The following CFAP99 variants were observed in gnomAD, a reference collection of about 807,000 sequenced individuals.
CFAP99 encodes the protein cilia and flagella associated protein 99, also known as cilia- and flagella-associated protein 99.
Under a neutral mutation model 82.7 loss-of-function variants are expected in CFAP99, and 84 were observed. That is an observed-to-expected ratio of 1.02 (90% CI 0.85 to 1.22). The LOEUF (loss-of-function observed/expected upper bound fraction) is 1.22. Among genes scored for constraint, CFAP99 ranks in the 50% most tolerant of loss-of-function variants. CFAP99 has a pLI of 0.00. For missense variants in CFAP99, 1,059 were observed against 983.5 expected (o/e 1.08, Z -1.03); for synonymous variants, 456 against 429.5 (o/e 1.06, Z -0.76).
At chr4:2,452,428 A>G in intron 11 of CFAP99, 82 bp downstream of exon 11, 1 of 1,377,802 alleles carries the variant, frequency 7.3e-7, no homozygotes, top group Non-Finnish European at 9.9e-7. Context: ...CAGGGCTGGC[A>G]GTGGAGCTGA....
chr4:2,462,695 G>C lies in CFAP99; in HGVS notation c.1914G>C (p.Pro638=), dbSNP rs1452975518. 1.6e-6 allele frequency: 2 copies of C among 1,255,198 alleles called. No individual in the cohort carries two copies. The highest frequency in any genetic ancestry group is 2.0e-6 in the Non-Finnish European group (2 of 999,658). The allele number at this position is 1,255,198 out of a possible 1,614,324, so 77.8% of individuals were successfully genotyped here. ...CGCGGCGCGCAGGGACCGGCGTCCC[G>C]GGGCGGGGATGGCGGGGAGATCGGG... The change falls in exon 15 of 15, where the codon CCG becomes CCC. Residue 638 remains proline, a synonymous_variant. Coordinates refer to ENST00000635017, the Ensembl canonical transcript of CFAP99. This position sits in a 1 kb window ranked among gnomAD's most constrained non-coding sequence, Gnocchi z 4.1.
chr4:2,447,678 A>G (rs987928611), intron 6 of CFAP99, among the ~76,000 whole-genome samples: 2 of 116,170 alleles, frequency 1.7e-5, no homozygotes, highest in African/African-American at 6.8e-5. Flanking sequence ...GACGGATTGG[A>G]TGATTGGATG....
intron 4 of CFAP99, among the ~76,000 whole-genome samples, chr4:2,440,199 T>G (rs1453537244): frequency 1.4e-4 from 18 of 126,208 alleles, no homozygotes; most frequent in Non-Finnish European, 2.8e-4. Flanking sequence ...CAGGCTGGAG[T>G]GCAGTGGCAG....
intron 4 of CFAP99, among the ~76,000 whole-genome samples, chr4:2,440,749 C>T (rs1734018082): frequency 1.3e-5 from 2 of 151,748 alleles, no homozygotes; most frequent in Admixed American, 1.3e-4. Context: ...CCCGCCACCA[C>T]ACCTGGCTAA....
At chr4:2,442,151 G>T (rs1734057411) in intron 4 of CFAP99, among the ~76,000 whole-genome samples, 1 of 152,184 alleles carries the variant, frequency 6.6e-6, no homozygotes, top group Non-Finnish European at 1.5e-5. Flanking sequence ...GTGGGGATGG[G>T]GTTTGGAGAT....
intron 6 of CFAP99, 81 bp from the exon 7 acceptor site, chr4:2,449,585 CACCA>C: frequency 1.6e-6 from 2 of 1,241,328 alleles, no homozygotes; most frequent in Non-Finnish European, 2.3e-6. Flanking sequence ...CACCCACATC[CACCA>C]AGCTGTCAGC....
chr4:2,443,211 G>C (rs755705415), exon 5 of CFAP99: 1 of 1,535,674 alleles, frequency 6.5e-7, no homozygotes, highest in African/African-American at 1.4e-5. Context: ...GCCAGCCCAC[G>C]TGAAGGAGAA....
At chr4:2,436,987 C>G in exon 3 of CFAP99, 1 of 1,536,082 alleles carries the variant, frequency 6.5e-7, no homozygotes, top group Non-Finnish European at 8.7e-7. Context: ...ATGGCCGACT[C>G]TGCCTGCGGG....
intron 1 of CFAP99, among the ~76,000 whole-genome samples, chr4:2,421,100 G>A (rs149675941): frequency 2.2e-3 from 341 of 152,324 alleles, no homozygotes; most frequent in Non-Finnish European, 3.8e-3. Flanking sequence ...AAGCTGCCAC[G>A]TGGGGTTGTG....
chr4:2,422,755 G>A (rs117434774), intron 1 of CFAP99, among the ~76,000 whole-genome samples: 181 of 152,314 alleles, frequency 1.2e-3, no homozygotes, highest in East Asian at 9.1e-3. Flanking sequence ...ACAACGTGAC[G>A]TGGAGGCAGG....
chr4:2,427,593 T>TTA (rs1560377016), intron 2 of CFAP99: 1 of 152,406 alleles, frequency 6.6e-6, no homozygotes, highest in Non-Finnish European at 1.5e-5. Flanking sequence ...TCTGTGCCGC[T>TTA]GTGCTCTGGA....
chr4:2,440,168 A>C, intron 4 of CFAP99, among the ~76,000 whole-genome samples: 1 of 69,858 alleles, frequency 1.4e-5, no homozygotes. Flanking sequence ...TTTTTTTGAG[A>C]CGGAGTCTCG....
intron 1 of CFAP99, among the ~76,000 whole-genome samples, chr4:2,423,719 C>G (rs993869906): frequency 2.0e-5 from 3 of 152,272 alleles, no homozygotes; most frequent in African/African-American, 7.2e-5. Context: ...GCAAGCCTGG[C>G]TGCAGCATCT....
chr4:2,452,532 C>T (rs1410855487), intron 11 of CFAP99, among the ~76,000 whole-genome samples, 186 bp downstream of exon 11: 1 of 152,162 alleles, frequency 6.6e-6, no homozygotes, highest in Non-Finnish European at 1.5e-5. Flanking sequence ...CACGCTCAGC[C>T]TGTGTTCCCC....
intron 4 of CFAP99, among the ~76,000 whole-genome samples, chr4:2,442,539 C>A (rs554781114): frequency 6.6e-6 from 1 of 152,236 alleles, no homozygotes; most frequent in South Asian, 2.1e-4. Context: ...CACCATTACC[C>A]CCGCTCAGCC....
Position 2,462,373 on chromosome 4 carries a change from C to G in CFAP99, c.1662-70C>G. The G allele has an allele frequency of 7.4e-7, 1 of 1,344,798 alleles. No homozygotes were observed. The allele number at this position is 1,344,798 out of a possible 1,614,324, so 83.3% of individuals were successfully genotyped here. A position where few individuals can be genotyped will look rare whatever the true frequency, so the allele number is the denominator to read the frequency against. Reference sequence around the variant, plus strand: ...TCCTTGCCCCCGCGTCGCTTGGACACGGGTGGCATCCTGGGTCTGGCCTGG... The same window carrying G: ...TCCTTGCCCCCGCGTCGCTTGGACAGGGGTGGCATCCTGGGTCTGGCCTGG... On this transcript the variant is annotated intron_variant, in intron 14 of 14. Coordinates refer to ENST00000635017, the Ensembl canonical transcript of CFAP99. This position sits in a 1 kb window ranked among gnomAD's most constrained non-coding sequence, Gnocchi z 4.1.
chr4:2,426,874 G>A (rs1302140097), intron 2 of CFAP99: 2 of 378,960 alleles, frequency 5.3e-6, no homozygotes, highest in Admixed American at 3.7e-5. Context: ...GTCAGCCCTG[G>A]AGCGCCCCCA....
At chr4:2,423,992 C>T (rs1733634382) in intron 1 of CFAP99, among the ~76,000 whole-genome samples, 1 of 152,234 alleles carries the variant, frequency 6.6e-6, no homozygotes, top group African/African-American at 2.4e-5. Flanking sequence ...GCCTGGTCTC[C>T]AGGGCCTGTT....
intron 6 of CFAP99, among the ~76,000 whole-genome samples, chr4:2,447,636 G>A (rs1734196700): frequency 6.6e-6 from 1 of 151,354 alleles, no homozygotes; most frequent in Non-Finnish European, 1.5e-5. Context: ...TGAATGAATG[G>A]ATGGGTGGGT....
Sources: allele counts gnomAD v4.1 joint callset (sites outside exome capture counted in the v4.1 genomes callset), GRCh38; gene constraint gnomAD v4.1.1; non-coding constraint Gnocchi (gnomAD v3.1); transcripts MANE v1.5; gene names NCBI Gene and HGNC (gene_info 2026-07-23, HGNC 2026-07-21).